Variants in FAP observed in about 807,000 individuals in gnomAD.
FAP encodes fibroblast activation protein alpha.
FAP carries 110 observed loss-of-function variants against 126.5 expected under a neutral mutation model. The observed-to-expected ratio is 0.87, with a 90% CI of 0.74 to 1.02. The LOEUF is 1.02. Ranked by LOEUF, FAP falls within the 50% of genes least tolerant of loss-of-function variation. The pLI, the probability that FAP is intolerant of heterozygous loss-of-function variation, is 0.00. For missense variants in FAP, 919 were observed against 909.2 expected, an observed-to-expected ratio of 1.01 and a Z score of -0.14; for synonymous variants, 334 against 297.3, an observed-to-expected ratio of 1.12 and a Z score of -1.27.
intron 17 of FAP, 142 bp downstream of exon 17, chr2:162,194,559 G>T: frequency 4.3e-6 from 3 of 694,296 alleles, no homozygotes; most frequent in Non-Finnish European, 7.6e-6. Flanking sequence ...CCAAATCTGT[G>T]CAATAATAAG....
intron 12 of FAP, among the ~76,000 whole-genome samples, chr2:162,205,466 A>G (rs1370260159): frequency 1.3e-5 from 2 of 152,126 alleles, no homozygotes; most frequent in Admixed American, 6.6e-5. Flanking sequence ...TCTTAGCTAA[A>G]TGATAATATA....
intron 10 of FAP, among the ~76,000 whole-genome samples, chr2:162,215,420 G>C (rs1198979700): frequency 6.6e-6 from 1 of 152,172 alleles, no homozygotes; most frequent in African/African-American, 2.4e-5. Flanking sequence ...AATCCTTCAC[G>C]TCCCTGCCTG....
intron 4 of FAP, 54 bp from the exon 5 acceptor site, chr2:162,224,594 T>C (rs545126499): frequency 1.2e-4 from 129 of 1,112,228 alleles, no homozygotes; most frequent in Non-Finnish European, 1.6e-4. Flanking sequence ...AAGAACCATG[T>C]AAATTTGTAG....
chr2:162,232,270 A>G (rs1004987134), intron 2 of FAP, among the ~76,000 whole-genome samples: 2 of 152,234 alleles, frequency 1.3e-5, no homozygotes, highest in Non-Finnish European at 2.9e-5. Flanking sequence ...CACAGCAGCC[A>G]TCTGAGGTAA....
At chr2:162,187,811 T>A (rs1415939846) in intron 20 of FAP, among the ~76,000 whole-genome samples, 2 of 152,090 alleles carry the variant, frequency 1.3e-5, no homozygotes, top group African/African-American at 4.8e-5. Context: ...GAATCCACAA[T>A]GCTTGAGCAA....
chr2:162,235,678 G>T (rs1442656437), intron 2 of FAP, among the ~76,000 whole-genome samples: 1 of 152,190 alleles, frequency 6.6e-6, no homozygotes, highest in African/African-American at 2.4e-5. Flanking sequence ...GGATGTGGGT[G>T]GGGCCAGATA....
In FAP at chr2:162,219,194, T is replaced by A. The variant is rs963486136; in HGVS notation, c.487-11A>T. On this transcript the variant is annotated splice_polypyrimidine_tract_variant and intron_variant, in intron 7 of 25. Transcript: ENST00000188790. ...TTGATAGACATATGCCTAAAAGTGGTGGTAAGGGGAAATTCCACAACAAAT... is the reference window on the plus strand; with the variant it reads ...TTGATAGACATATGCCTAAAAGTGGAGGTAAGGGGAAATTCCACAACAAAT... 13 of 1,599,502 alleles carry A rather than the reference T, an allele frequency of 8.1e-6. No homozygotes were observed. Among genetic ancestry groups the A allele is most frequent in the Non-Finnish European group, 1.1e-5 (13 of 1,173,248 alleles).
rs1688458324 is a variant in FAP, at chr2:162,200,569, T to C, written c.1274A>G (p.Tyr425Cys). ...FEEYPGRRNI[Y>C]RISIGSYPPS... The stretch of plus-strand genomic sequence containing the variant: ...AGAATGAATGGACATAAATTACCTG[T>C]AGATGTTTCTTCTTCCAGGGTATTC... The change falls in exon 15 of 26, where the codon TAC (tyrosine) becomes TGC (cysteine). Residue 425 changes from tyrosine to cysteine, a missense_variant. Coordinates refer to ENST00000188790, the MANE Select transcript of FAP (RefSeq NM_004460.5). 6.8e-7 allele frequency: 1 copy of C among 1,476,630 alleles called. No homozygotes were observed. The highest frequency in any genetic ancestry group is 9.3e-7 in the Non-Finnish European group (1 of 1,075,270). The allele number at this position is 1,476,630 out of a possible 1,614,324, so 91.5% of individuals were successfully genotyped here.
At chr2:162,230,161 A>G (rs1445662268) in intron 2 of FAP, among the ~76,000 whole-genome samples, 1 of 152,282 alleles carries the variant, frequency 6.6e-6, no homozygotes, top group East Asian at 1.9e-4. Context: ...AGAGAAATTC[A>G]AATTAAGCAT....
At chr2:162,186,933 G>C (rs930686930) in intron 20 of FAP, among the ~76,000 whole-genome samples, 3 of 152,064 alleles carry the variant, frequency 2.0e-5, no homozygotes, top group Non-Finnish European at 2.9e-5. Context: ...AAGGCCAAAA[G>C]TCTGAGTCCA....
chr2:162,223,569 A>G (rs942910549), intron 6 of FAP, 39 bp downstream of exon 6: 8 of 1,206,410 alleles, frequency 6.6e-6, no homozygotes, highest in African/African-American at 1.5e-5. Flanking sequence ...CATTCTAGGT[A>G]TTAGATTTAA....
intron 11 of FAP, among the ~76,000 whole-genome samples, chr2:162,211,663 A>G (rs1245413784): frequency 6.6e-6 from 1 of 152,200 alleles, no homozygotes; most frequent in Non-Finnish European, 1.5e-5. Context: ...AAAAATAGTG[A>G]AATTTTTGGA....
At chr2:162,229,845 C>T (rs993052454) in intron 2 of FAP, among the ~76,000 whole-genome samples, 91 of 136,814 alleles carry the variant, frequency 6.7e-4, no homozygotes, top group African/African-American at 1.9e-3. Flanking sequence ...ATATAGAGAA[C>T]GTAGCATATG....
chr2:162,197,977 A>T (rs1688323907), intron 16 of FAP, among the ~76,000 whole-genome samples: 1 of 152,142 alleles, frequency 6.6e-6, no homozygotes, highest in East Asian at 1.9e-4. Context: ...AGACCCCAAT[A>T]TATTTCATTG....
chr2:162,194,616 G>GA, intron 17 of FAP, 85 bp downstream of exon 17: 1 of 1,228,518 alleles, frequency 8.1e-7, no homozygotes, highest in Non-Finnish European at 1.2e-6. Context: ...GTGGTGTGGA[G>GA]AAACTGTCCT....
At chr2:162,211,515 A>C (rs1688933309) in intron 11 of FAP, among the ~76,000 whole-genome samples, 1 of 152,202 alleles carries the variant, frequency 6.6e-6, no homozygotes. Context: ...AGAACAGTCA[A>C]TGAAGCAGAA....
In FAP at chr2:162,206,833, G is replaced by A. The variant is rs150526810; in HGVS notation, c.1047+3119C>T. 8.5e-5 allele frequency among the ~76,000 whole-genome samples: 13 copies of A among 152,288 alleles called. No homozygotes were observed. In the East Asian group the frequency reaches 2.1e-3, roughly 25 times the overall value. On this transcript the variant is annotated intron_variant, in intron 12 of 25. Coordinates refer to ENST00000188790, the MANE Select transcript of FAP (RefSeq NM_004460.5). ...TGTGTCAGTGCTGGAGGAAAAAAGT[G>A]GTAAGTAAAGTTCGCAGGAAACCTA...
chr2:162,240,522 A>G (rs1690303091), intron 2 of FAP, among the ~76,000 whole-genome samples: 2 of 152,172 alleles, frequency 1.3e-5, no homozygotes, highest in South Asian at 4.1e-4. Flanking sequence ...CAACTTGCAG[A>G]GGGAATTCTA....
chr2:162,235,108 A>G (rs975472457), intron 2 of FAP, among the ~76,000 whole-genome samples: 2 of 151,002 alleles, frequency 1.3e-5, no homozygotes, highest in Non-Finnish European at 3.0e-5. Flanking sequence ...GCAGCCAACC[A>G]TGCCTGAGTC....
Sources: gnomAD v4.1 joint callset for allele counts (sites outside exome capture counted in the v4.1 genomes callset) on GRCh38, gnomAD v4.1.1 for gene constraint, MANE v1.5 for transcripts, NCBI Gene and HGNC (gene_info 2026-07-23, HGNC 2026-07-21) for gene names.